Variants in LEKR1 observed in about 807,000 individuals in gnomAD.
LEKR1 encodes the protein leucine, glutamate and lysine rich 1, also known as protein LEKR1.
A neutral mutation model predicts 72.4 loss-of-function variants in LEKR1; 59 were observed. The ratio of observed to expected loss-of-function variants is 0.82; its 90% CI spans 0.66 to 1.01. The LOEUF is 1.01. Among genes scored for constraint, LEKR1 ranks in the 50% least tolerant of loss-of-function variants. The pLI is 0.00. For synonymous variants in LEKR1, 257 were observed against 263.2 expected, an observed-to-expected ratio of 0.98 and a Z score of 0.23; for missense variants, 728 against 759.2, an observed-to-expected ratio of 0.96 and a Z score of 0.48.
chr3:156,936,008 G>A (rs1413621988), intron 5 of LEKR1, among the ~76,000 whole-genome samples: 2 of 152,118 alleles, frequency 1.3e-5, no homozygotes, highest in East Asian at 1.9e-4. Flanking sequence ...TGATGAGGAC[G>A]ATGTGAATTA....
intron 4 of LEKR1, 86 bp downstream of exon 4, chr3:156,920,780 A>G: frequency 1.4e-6 from 1 of 727,912 alleles, no homozygotes; most frequent in South Asian, 2.1e-5. Flanking sequence ...TTTTAGTAAT[A>G]TGGTTTCTAT....
At chr3:157,028,654 C>T (rs1734380545) in intron 12 of LEKR1, among the ~76,000 whole-genome samples, 1 of 152,144 alleles carries the variant, frequency 6.6e-6, no homozygotes, top group Admixed American at 6.5e-5. Flanking sequence ...TCCTTAGCAC[C>T]TAGTTCTTTC....
chr3:156,849,803 C>T (rs370391195), intron 2 of LEKR1, among the ~76,000 whole-genome samples: 1 of 152,114 alleles, frequency 6.6e-6, no homozygotes, highest in Non-Finnish European at 1.5e-5. Context: ...ACCATAAAAA[C>T]CCTAGAAGAA....
chr3:156,903,570 G>A (rs1457954588), intron 3 of LEKR1, among the ~76,000 whole-genome samples: 2 of 152,078 alleles, frequency 1.3e-5, no homozygotes, highest in African/African-American at 2.4e-5. Context: ...TGGATGATAG[G>A]TTTCAAGGAA....
chr3:156,869,900 T>G (rs1252913618), intron 3 of LEKR1, among the ~76,000 whole-genome samples: 1 of 151,958 alleles, frequency 6.6e-6, no homozygotes, highest in Non-Finnish European at 1.5e-5. Flanking sequence ...GAGAGAGGGG[T>G]CCAATTTCAT....
At chr3:156,923,753 A>G (rs978360459) in intron 4 of LEKR1, among the ~76,000 whole-genome samples, 5 of 150,654 alleles carry the variant, frequency 3.3e-5, no homozygotes, top group African/African-American at 1.2e-4. Flanking sequence ...TTTGAGACGG[A>G]GGCTCGCTCT....
intron 3 of LEKR1, among the ~76,000 whole-genome samples, chr3:156,875,979 C>G (rs1042998337): frequency 8.6e-6 from 1 of 115,678 alleles, no homozygotes; most frequent in Admixed American, 1.2e-4. Flanking sequence ...TGGGCAACAG[C>G]GAGACTCCAT....
intron 6 of LEKR1, among the ~76,000 whole-genome samples, chr3:156,956,873 A>G (rs1331347334): frequency 2.0e-5 from 3 of 152,088 alleles, no homozygotes; most frequent in African/African-American, 7.2e-5. Flanking sequence ...AAAGACAGAA[A>G]CAAACCATTA....
chr3:156,957,154 T>A (rs528565126), intron 6 of LEKR1, among the ~76,000 whole-genome samples: 140 of 152,204 alleles, frequency 9.2e-4, no homozygotes, highest in African/African-American at 2.8e-3. Context: ...AGAACTAATT[T>A]ATGCCCAACA....
chr3:157,038,443 G>C (rs73873776), intron 12 of LEKR1, among the ~76,000 whole-genome samples: 188 of 152,336 alleles, frequency 1.2e-3, no homozygotes, highest in African/African-American at 4.1e-3. Flanking sequence ...CATAGGGAAG[G>C]CAAGCTGGAG....
intron 3 of LEKR1, among the ~76,000 whole-genome samples, chr3:156,905,357 A>G (rs1722430869): frequency 6.6e-6 from 1 of 152,210 alleles, no homozygotes; most frequent in African/African-American, 2.4e-5. Flanking sequence ...CAGTAAGGGT[A>G]TATTTGAGTA....
intron 3 of LEKR1, among the ~76,000 whole-genome samples, chr3:156,881,240 T>G (rs1719297778): frequency 6.6e-6 from 1 of 152,042 alleles, no homozygotes; most frequent in African/African-American, 2.4e-5. Context: ...TGATTGTATA[T>G]CTAGAAAACC....
In LEKR1 at chr3:156,843,819, G is replaced by C. The variant is rs541821637; in HGVS notation, c.49-8949G>C. Reference sequence around the variant, plus strand: ...ATGTTAGACCTAGCATCCTGGGAAAGTTGTGATGTGTGTGTGTGTGTGTGT... The same window carrying C: ...ATGTTAGACCTAGCATCCTGGGAAACTTGTGATGTGTGTGTGTGTGTGTGT... On this transcript the variant is annotated intron_variant, in intron 2 of 12. Coordinates refer to ENST00000356539, the MANE Select transcript of LEKR1 (RefSeq NM_001004316.3). 6.6e-5 allele frequency among the ~76,000 whole-genome samples: 10 copies of C among 152,012 alleles called. No homozygotes were observed. The East Asian group carries it at 1.7e-3, about 26-fold the overall frequency.
intron 3 of LEKR1, among the ~76,000 whole-genome samples, chr3:156,910,150 C>G (rs1438486853): frequency 1.3e-5 from 2 of 152,040 alleles, no homozygotes; most frequent in Non-Finnish European, 2.9e-5. Context: ...ATTGTTATTA[C>G]TATTTTAGAT....
At chr3:156,985,446 A>G (rs935915950) in intron 7 of LEKR1, among the ~76,000 whole-genome samples, 1 of 152,230 alleles carries the variant, frequency 6.6e-6, no homozygotes, top group African/African-American at 2.4e-5. Flanking sequence ...GGCCAGTTGT[A>G]GTGACAGAAT....
chr3:156,838,912 GAGAA>G (rs1339842872), intron 2 of LEKR1, among the ~76,000 whole-genome samples: 1 of 152,180 alleles, frequency 6.6e-6, no homozygotes, highest in East Asian at 1.9e-4. Context: ...CATTGCAGTA[GAGAA>G]AGAGTTTAAT....
chr3:156,829,570 A>G (rs1216621361), intron 2 of LEKR1, among the ~76,000 whole-genome samples, 193 bp downstream of exon 2: 6 of 152,240 alleles, frequency 3.9e-5, no homozygotes, highest in African/African-American at 7.2e-5. Flanking sequence ...TTTTGCTGCT[A>G]TGGAAGAAGA....
At chr3:157,027,830 A>C (rs375554364) in intron 11 of LEKR1, among the ~76,000 whole-genome samples, 18 of 152,190 alleles carry the variant, frequency 1.2e-4, no homozygotes, top group Non-Finnish European at 2.6e-4. Context: ...TCAAAAAAAA[A>C]GACTTGTGCT....
chr3:156,838,926 T>C (rs943075053), intron 2 of LEKR1, among the ~76,000 whole-genome samples: 5 of 151,920 alleles, frequency 3.3e-5, no homozygotes, highest in African/African-American at 4.8e-5. Context: ...AAGAGTTTAA[T>C]GGAAACGAGG....
Sources: allele counts gnomAD v4.1 joint callset (sites outside exome capture counted in the v4.1 genomes callset), GRCh38; gene constraint gnomAD v4.1.1; transcripts MANE v1.5; gene names NCBI Gene and HGNC (gene_info 2026-07-23, HGNC 2026-07-21).